Variants in SLC24A3 observed in about 807,000 individuals in gnomAD.
SLC24A3 encodes the protein solute carrier family 24 member 3.
Under a neutral mutation model 75.8 loss-of-function variants are expected in SLC24A3, and 28 were observed. The ratio of observed to expected loss-of-function variants is 0.37; its 90% CI spans 0.27 to 0.51. SLC24A3 has a LOEUF of 0.51. Among genes scored for constraint, SLC24A3 ranks in the 20% least tolerant of loss-of-function variants. The probability of loss-of-function intolerance (pLI) is 0.94; values close to 1 mark genes in which losing one functional copy is unlikely to be tolerated. For synonymous variants in SLC24A3, 372 were observed against 334.1 expected, an observed-to-expected ratio of 1.11 and a Z score of -1.24; for missense variants, 663 against 847.8, an observed-to-expected ratio of 0.78 and a Z score of 2.71.
At chr20:19,479,441 T>C (rs528394475) in intron 2 of SLC24A3, among the ~76,000 whole-genome samples, 1 of 152,336 alleles carries the variant, frequency 6.6e-6, no homozygotes, top group East Asian at 1.9e-4. Context: ...CTTCTCGCAG[T>C]TACAGAATGA....
rs188965722 is a variant in SLC24A3 at position 19,280,816 on chromosome 20, C to T, written c.143-143C>T. 265 of 1,195,198 alleles carry T rather than the reference C, an allele frequency of 2.2e-4. 3 individuals are homozygous for T. The highest frequency in any genetic ancestry group is 2.6e-5 in the East Asian group (1 of 38,568). The allele number at this position is 1,195,198 out of a possible 1,614,324, so 74.0% of individuals were successfully genotyped here. On this transcript the variant is annotated intron_variant, in intron 1 of 16. Coordinates refer to ENST00000328041, the MANE Select transcript of SLC24A3 (RefSeq NM_020689.4). ...CATCCCACTGGTGCGGCAAGGAAGC[C>T]TTCAGGCAGCTAGAGGCAGAGTGGC...
chr20:19,222,816 C>CCTTCCTTCCTTCCTTCCTTCCTTCCTTT (rs1981762451), intron 1 of SLC24A3, among the ~76,000 whole-genome samples: 1 of 135,892 alleles, frequency 7.4e-6, no homozygotes, highest in Non-Finnish European at 1.6e-5. Context: ...TTCCTTCCTT[C>CCTTCCTTCCTTCCTTCCTTCCTTCCTTT]GTTCCTTCCT....
chr20:19,234,040 TC>T (rs1480643113), intron 1 of SLC24A3, among the ~76,000 whole-genome samples: 1 of 152,266 alleles, frequency 6.6e-6, no homozygotes, highest in African/African-American at 2.4e-5. Context: ...ATGCCCTGAA[TC>T]ATTATTCGTT....
chr20:19,359,600 A>G (rs915945200), intron 2 of SLC24A3, among the ~76,000 whole-genome samples: 2 of 152,202 alleles, frequency 1.3e-5, no homozygotes, highest in Non-Finnish European at 2.9e-5. Flanking sequence ...CTATCCTCCC[A>G]GTGACCCCTG....
rs115606852 is a variant in SLC24A3, at chr20:19,579,489, C to A, written c.349-511C>A. On this transcript the variant is annotated intron_variant, in intron 3 of 16. Transcript: ENST00000328041. ...ATACCAGGCCCTGTGCTGACTGCTG[C>A]GGATATGGCAATCATTATATGAAAT... Among the ~76,000 whole-genome samples the A allele has an allele frequency of 2.5e-3, 387 of 152,262 alleles. 3 individuals carry two copies. The highest frequency in any genetic ancestry group is 9.2e-3 in the African/African-American group (380 of 41,528).
chr20:19,454,110 C>T (rs972616236), intron 2 of SLC24A3, among the ~76,000 whole-genome samples: 2 of 152,168 alleles, frequency 1.3e-5, no homozygotes, highest in African/African-American at 4.8e-5. Context: ...AGAAGCAGTG[C>T]TCAGAGCCAG....
At chr20:19,632,045 C>T (rs1426530111) in intron 6 of SLC24A3, among the ~76,000 whole-genome samples, 1 of 152,142 alleles carries the variant, frequency 6.6e-6, no homozygotes, top group Non-Finnish European at 1.5e-5. Context: ...AAGACACTCA[C>T]TCCCCATGCA....
intron 2 of SLC24A3, among the ~76,000 whole-genome samples, chr20:19,467,251 T>C (rs1987781585): frequency 6.6e-6 from 1 of 152,156 alleles, no homozygotes; most frequent in African/African-American, 2.4e-5. Flanking sequence ...ATGTGCAACA[T>C]ATATTTGAGA....
chr20:19,657,559 G>A (rs1054561468), intron 7 of SLC24A3, among the ~76,000 whole-genome samples: 1 of 152,232 alleles, frequency 6.6e-6, no homozygotes, highest in Non-Finnish European at 1.5e-5. Flanking sequence ...AGCAGCCTAA[G>A]TAACTTTAGT....
At chr20:19,417,197 T>C (rs1373499031) in intron 2 of SLC24A3, among the ~76,000 whole-genome samples, 1 of 152,130 alleles carries the variant, frequency 6.6e-6, no homozygotes, top group African/African-American at 2.4e-5. Flanking sequence ...ATTAAAAAAT[T>C]TAATTTTATC....
chr20:19,230,504 A>T (rs193019683), intron 1 of SLC24A3, among the ~76,000 whole-genome samples: 109 of 151,506 alleles, frequency 7.2e-4, no homozygotes, highest in Non-Finnish European at 1.2e-3. Flanking sequence ...TTTCCATCGC[A>T]CCTCTTTTCT....
intron 3 of SLC24A3, among the ~76,000 whole-genome samples, chr20:19,516,542 C>T (rs368849944): frequency 3.3e-5 from 5 of 152,166 alleles, no homozygotes; most frequent in Non-Finnish European, 5.9e-5. Context: ...TCAGATGGAC[C>T]GACTCCGATG....
At chr20:19,513,520 T>C (rs1167774182) in intron 2 of SLC24A3, among the ~76,000 whole-genome samples, 1 of 152,202 alleles carries the variant, frequency 6.6e-6, no homozygotes, top group Non-Finnish European at 1.5e-5. Context: ...CGTGGCTTCA[T>C]TTTGGTCCCC....
intron 6 of SLC24A3, among the ~76,000 whole-genome samples, chr20:19,622,869 A>G (rs934716541): frequency 1.4e-4 from 21 of 152,128 alleles, no homozygotes; most frequent in African/African-American, 4.8e-4. Context: ...GAGGAAGGAG[A>G]AGGAGGAGCA....
At chr20:19,216,619 A>T (rs1344237394) in intron 1 of SLC24A3, among the ~76,000 whole-genome samples, 2 of 152,270 alleles carry the variant, frequency 1.3e-5, no homozygotes, top group East Asian at 3.9e-4. Flanking sequence ...AAAAACAGAA[A>T]AAAAGGAAAA....
chr20:19,406,383 G>A (rs1986647244), intron 2 of SLC24A3, among the ~76,000 whole-genome samples: 1 of 152,004 alleles, frequency 6.6e-6, no homozygotes, highest in Non-Finnish European at 1.5e-5. Context: ...GAATTTGAGG[G>A]GTTTGGAGTG....
At chr20:19,252,650 G>C (rs948775730) in intron 1 of SLC24A3, among the ~76,000 whole-genome samples, 2 of 148,136 alleles carry the variant, frequency 1.4e-5, no homozygotes, top group African/African-American at 2.5e-5. Context: ...TGGCGGGGGG[G>C]GGTGCCTGTT....
rs2030586157 is a variant in SLC24A3 at position 19,546,123 on chromosome 20, C to T, written c.348+30559C>T. On this transcript the variant is annotated intron_variant, in intron 3 of 16. Transcript: ENST00000328041. ...GCAGTGAGCCGAGATTGTGCCACTG[C>T]ACTTCAGCCTGGGCGACAGAGCGAG... is the stretch of plus-strand genomic sequence containing the variant. 2.4e-5 allele frequency among the ~76,000 whole-genome samples: 3 copies of T among 126,506 alleles called. No individual in the cohort carries two copies. In the South Asian group the frequency reaches 8.0e-4, roughly 34 times the overall value. 83.0% of individuals were successfully genotyped at this position (126,506 alleles called of 152,430 possible).
intron 12 of SLC24A3, among the ~76,000 whole-genome samples, chr20:19,688,349 C>T (rs919232896): frequency 2.0e-5 from 3 of 152,174 alleles, no homozygotes; most frequent in Non-Finnish European, 2.9e-5. Context: ...ATTCAGAGCC[C>T]GGGTCTGCCT....
Sources: gnomAD v4.1 joint callset for allele counts (sites outside exome capture counted in the v4.1 genomes callset) on GRCh38, gnomAD v4.1.1 for gene constraint, MANE v1.5 for transcripts, NCBI Gene and HGNC (gene_info 2026-07-23, HGNC 2026-07-21) for gene names.